The following AGBL4 variants were observed in gnomAD, a reference collection of about 807,000 sequenced individuals.
The protein encoded by AGBL4 is AGBL carboxypeptidase 4.
Under a neutral mutation model 66.4 loss-of-function variants are expected in AGBL4, and 58 were observed. That is an observed-to-expected ratio of 0.87 (90% CI 0.71 to 1.09). The LOEUF is 1.09. AGBL4 is among the 50% of genes least tolerant of loss of function. AGBL4 has a pLI of 0.00. For synonymous variants in AGBL4, 234 were observed against 222.9 expected (o/e 1.05, Z -0.44); for missense variants, 579 against 631.0 (o/e 0.92, Z 0.88).
At position 48,815,693 on chromosome 1, in the gene AGBL4, G is replaced by T. The variant is rs1312723774; in HGVS notation, c.634+51498C>A. Reference sequence around the variant, plus strand: ...GGCACACAGTAGGTAGAAAGTGAAAGATAGCAGTTAGTAATATTTATTTGG... The same window carrying T: ...GGCACACAGTAGGTAGAAAGTGAAATATAGCAGTTAGTAATATTTATTTGG... On this transcript the variant is annotated intron_variant, in intron 6 of 13. Coordinates refer to ENST00000371839, the MANE Select transcript of AGBL4 (RefSeq NM_032785.4). 3.9e-5 allele frequency among the ~76,000 whole-genome samples: 6 copies of T among 152,154 alleles called. No individual in the cohort carries two copies. In the East Asian group the frequency reaches 9.6e-4, roughly 24 times the overall value.
rs760739499 is a variant in AGBL4, at chr1:49,371,248, GATACATACATAC to G, written c.283-125396_283-125385del. 2.1e-3 allele frequency among the ~76,000 whole-genome samples: 291 copies of G among 137,974 alleles called. 1 individual carries two copies. The highest frequency in any genetic ancestry group is 0.015 in the Middle Eastern group (4 of 272). The allele number at this position is 137,974 out of a possible 152,430, so 90.5% of individuals were successfully genotyped here. A position where few individuals can be genotyped will look rare whatever the true frequency, so the allele number is the denominator to read the frequency against. On this transcript the variant is annotated intron_variant, in intron 3 of 13. Coordinates refer to ENST00000371839, the MANE Select transcript of AGBL4 (RefSeq NM_032785.4). ...AGATATATAGATAGATAGATAGATA[GATACATACATAC>G]ATACATACATACATACATACATACA...
chr1:48,859,737 C>G (rs918261735), intron 6 of AGBL4, among the ~76,000 whole-genome samples: 14 of 152,302 alleles, frequency 9.2e-5, no homozygotes, highest in South Asian at 4.1e-4. Flanking sequence ...GTAATTGTTA[C>G]TTCAGTGTCA....
intron 4 of AGBL4, among the ~76,000 whole-genome samples, chr1:49,225,894 A>G (rs756290994): frequency 3.3e-5 from 5 of 152,224 alleles, no homozygotes; most frequent in Non-Finnish European, 7.3e-5. Flanking sequence ...AAAGACAGCA[A>G]TCAGCTTGAG....
intron 3 of AGBL4, among the ~76,000 whole-genome samples, chr1:49,628,400 T>C (rs1481094614): frequency 6.6e-6 from 1 of 152,200 alleles, no homozygotes; most frequent in South Asian, 2.1e-4. Context: ...ATGTATGGAA[T>C]GGAATGTGTT....
intron 12 of AGBL4, among the ~76,000 whole-genome samples, chr1:48,538,151 G>A (rs1644003990): frequency 6.6e-6 from 1 of 152,148 alleles, no homozygotes; most frequent in Non-Finnish European, 1.5e-5. Context: ...ACCTTGTCAT[G>A]AAGACTCTAT....
chr1:49,352,343 T>G (rs1284208549), intron 3 of AGBL4, among the ~76,000 whole-genome samples: 1 of 151,514 alleles, frequency 6.6e-6, no homozygotes, highest in Non-Finnish European at 1.5e-5. Flanking sequence ...TTTCTTAAAA[T>G]TATTTGCCCA....
intron 3 of AGBL4, among the ~76,000 whole-genome samples, chr1:49,343,612 C>A (rs146345185): frequency 6.6e-6 from 1 of 152,124 alleles, no homozygotes; most frequent in African/African-American, 2.4e-5. Context: ...TGTAGTAAAA[C>A]GCATGATAAA....
chr1:49,938,450 T>G (rs1654352531), intron 1 of AGBL4, among the ~76,000 whole-genome samples: 1 of 152,182 alleles, frequency 6.6e-6, no homozygotes. Flanking sequence ...TTTCTGAAAC[T>G]ATTCCAATCA....
At chr1:48,742,857 A>G in intron 6 of AGBL4, 1 of 1,335,230 alleles carries the variant, frequency 7.5e-7, no homozygotes, top group Non-Finnish European at 9.9e-7. Context: ...TCAGCACACC[A>G]TGGCACAAAA....
chr1:49,707,929 T>C (rs1008445193), intron 2 of AGBL4, among the ~76,000 whole-genome samples: 1 of 152,198 alleles, frequency 6.6e-6, no homozygotes, highest in East Asian at 1.9e-4. Flanking sequence ...CCCCTGTTAG[T>C]CTGATGGGCT....
At chr1:48,967,923 T>C (rs1019074444) in intron 5 of AGBL4, among the ~76,000 whole-genome samples, 3 of 152,190 alleles carry the variant, frequency 2.0e-5, no homozygotes, top group African/African-American at 7.2e-5. Context: ...GAAACTTTCT[T>C]CTCCTTTGGC....
chr1:49,660,963 G>A (rs1350329851), intron 3 of AGBL4, among the ~76,000 whole-genome samples: 1 of 150,312 alleles, frequency 6.7e-6, no homozygotes. Context: ...GGGTCATGCA[G>A]GGGGAGGGAG....
At chr1:49,491,502 T>C (rs1378955847) in intron 3 of AGBL4, among the ~76,000 whole-genome samples, 1 of 151,890 alleles carries the variant, frequency 6.6e-6, no homozygotes, top group Non-Finnish European at 1.5e-5. Context: ...CATTTGACCT[T>C]AGTTCTTGAC....
intron 11 of AGBL4, among the ~76,000 whole-genome samples, chr1:48,548,972 A>T (rs565980893): frequency 6.6e-6 from 1 of 152,336 alleles, no homozygotes; most frequent in East Asian, 1.9e-4. Context: ...TACAACAAAG[A>T]GAAAACAGAC....
chr1:49,561,643 T>C (rs1644047761), intron 3 of AGBL4, among the ~76,000 whole-genome samples: 1 of 152,114 alleles, frequency 6.6e-6, no homozygotes, highest in East Asian at 1.9e-4. Context: ...GAACTCATCA[T>C]TTTTTATGGC....
intron 4 of AGBL4, among the ~76,000 whole-genome samples, chr1:49,095,083 A>G (rs1249949992): frequency 6.6e-6 from 1 of 152,202 alleles, no homozygotes; most frequent in East Asian, 1.9e-4. Flanking sequence ...TCCCATTCAC[A>G]ATTGCTTCAA....
Position 49,771,658 on chromosome 1 carries a change from T to C in AGBL4, c.158-74221A>G, listed in dbSNP as rs113861061. Among the ~76,000 whole-genome samples, 274 of 152,268 alleles carry C rather than the reference T, an allele frequency of 1.8e-3. 3 individuals are homozygous for C. Among genetic ancestry groups the C allele is most frequent in the African/African-American group, 6.2e-3 (256 of 41,586 alleles). ...CCTTTAGATCTAATAATCTTTGCTT[T>C]ATGCATTTTTGTACTCCTATGTTCA... On this transcript the variant is annotated intron_variant, in intron 2 of 13. Coordinates refer to ENST00000371839, the MANE Select transcript of AGBL4 (RefSeq NM_032785.4).
chr1:49,104,882 C>G (rs558057079), intron 4 of AGBL4, among the ~76,000 whole-genome samples: 1 of 152,256 alleles, frequency 6.6e-6, no homozygotes, highest in South Asian at 2.1e-4. Flanking sequence ...ACAGACTGCC[C>G]TGTTTACCAA....
intron 4 of AGBL4, among the ~76,000 whole-genome samples, chr1:49,222,245 T>G (rs925434399): frequency 2.7e-5 from 4 of 150,836 alleles, no homozygotes; most frequent in African/African-American, 9.8e-5. Context: ...CTTAAAGAAA[T>G]GTAAACCATA....
Sources: allele counts gnomAD v4.1 joint callset (sites outside exome capture counted in the v4.1 genomes callset), GRCh38; gene constraint gnomAD v4.1.1; transcripts MANE v1.5; gene names NCBI Gene and HGNC (gene_info 2026-07-23, HGNC 2026-07-21).